The following GARRE1 variants were observed in gnomAD, a reference collection of about 807,000 sequenced individuals.
GARRE1 encodes the protein granule associated Rac and RHOG effector 1, also known as granule associated Rac and RHOG effector protein 1.
Under a neutral mutation model 103.2 loss-of-function variants are expected in GARRE1, and 49 were observed. The observed-to-expected ratio is 0.47, with a 90% CI of 0.38 to 0.60. GARRE1 has a LOEUF of 0.60. GARRE1 is among the 20% of genes least tolerant of loss of function. The pLI, the probability that GARRE1 is intolerant of heterozygous loss-of-function variation, is 0.00. For missense variants in GARRE1, 1,199 were observed against 1,370.5 expected, an observed-to-expected ratio of 0.87 and a Z score of 1.98; for synonymous variants, 505 against 532.8, an observed-to-expected ratio of 0.95 and a Z score of 0.72.
rs186739241 is a variant in GARRE1, at chr19:34,284,558, T to A, written c.-795-15121T>A. Among the ~76,000 whole-genome samples, 56 of 152,352 alleles carry A rather than the reference T, an allele frequency of 3.7e-4. 1 individual carries two copies. The highest frequency in any genetic ancestry group is 1.3e-3 in the African/African-American group (56 of 41,586). On this transcript the variant is annotated intron_variant, in intron 1 of 13. Transcript: ENST00000299505. The stretch of plus-strand genomic sequence containing the variant: ...TAATCTGTGGAGAACTTTTGCAAAT[T>A]ATGTTGAAAAGATGTTACTTAAAAT...
chr19:34,344,361 C>T (rs1031774921), intron 10 of GARRE1, among the ~76,000 whole-genome samples: 25 of 152,066 alleles, frequency 1.6e-4, no homozygotes, highest in Admixed American at 4.6e-4. Context: ...GAGGCCGAGG[C>T]GGGCGGATCA....
intron 1 of GARRE1, among the ~76,000 whole-genome samples, chr19:34,257,870 TC>T (rs1285754382): frequency 6.6e-6 from 1 of 150,638 alleles, no homozygotes. Flanking sequence ...TGATTGGCCT[TC>T]TTTTTTCTTT....
intron 1 of GARRE1, among the ~76,000 whole-genome samples, chr19:34,262,156 T>A: frequency 6.6e-6 from 1 of 152,050 alleles, no homozygotes; most frequent in East Asian, 1.9e-4. Context: ...GGCTAATTTT[T>A]GTATTTGTAA....
chr19:34,300,710 C>T lies in GARRE1; in HGVS notation c.237C>T (p.Gly79=). 6.2e-7 allele frequency: 1 copy of T among 1,614,212 alleles called. No individual in the cohort carries two copies. Among genetic ancestry groups the T allele is most frequent in the Admixed American group, 1.7e-5 (1 of 60,034 alleles). The change falls in exon 2 of 14, where the codon GGC becomes GGT. Residue 79 remains glycine, a synonymous_variant. Transcript: ENST00000299505. ...HTTPIADIQQ[G]ISKYLDALNV... ...CTCCTATCGCCGACATCCAGCAGGGCATCTCCAAGTATCTGGATGCCCTGA... is the reference window on the plus strand; with the variant it reads ...CTCCTATCGCCGACATCCAGCAGGGTATCTCCAAGTATCTGGATGCCCTGA...
At chr19:34,280,253 C>T (rs774699292) in intron 1 of GARRE1, among the ~76,000 whole-genome samples, 20 of 152,138 alleles carry the variant, frequency 1.3e-4, no homozygotes, top group Non-Finnish European at 2.6e-4. Flanking sequence ...GCTCCACCTC[C>T]AACATTGGGA....
chr19:34,345,984 C>T (rs8106201), intron 10 of GARRE1, among the ~76,000 whole-genome samples: 14,760 of 152,118 alleles, frequency 0.097, 1,137 homozygotes, highest in African/African-American at 0.21. Context: ...GACCTTGCCC[C>T]GAGGGCATAA....
At chr19:34,340,904 G>T (rs1291833134) in intron 9 of GARRE1, among the ~76,000 whole-genome samples, 2 of 152,168 alleles carry the variant, frequency 1.3e-5, no homozygotes, top group African/African-American at 4.8e-5. Context: ...ACCTGCCTCA[G>T]CTCCTGCCCC....
chr19:34,331,344 T>C (rs1053038053), intron 7 of GARRE1, among the ~76,000 whole-genome samples: 3 of 152,172 alleles, frequency 2.0e-5, no homozygotes, highest in African/African-American at 7.2e-5. Context: ...TTGATACCCC[T>C]TTTATCTGAA....
rs1341918273 is a variant in GARRE1, at chr19:34,307,299, T to C, written c.495+6331T>C. 5.3e-5 allele frequency among the ~76,000 whole-genome samples: 8 copies of C among 152,184 alleles called. No individual in the cohort carries two copies. The East Asian group carries it at 1.5e-3, about 29-fold the overall frequency. On this transcript the variant is annotated intron_variant, in intron 2 of 13. Transcript: ENST00000299505. ...AGCGATGCCACTTCTCCCCTTGCCT[T>C]CTTCATACTGGGTAGCTCCAGGGCT... is the stretch of plus-strand genomic sequence containing the variant.
chr19:34,289,243 C>T (rs775213970), intron 1 of GARRE1, among the ~76,000 whole-genome samples: 1 of 151,622 alleles, frequency 6.6e-6, no homozygotes, highest in Admixed American at 6.6e-5. Flanking sequence ...GACCAGCCTG[C>T]GCAACATGGT....
chr19:34,262,922 A>T (rs549522472), intron 1 of GARRE1, among the ~76,000 whole-genome samples: 23 of 152,218 alleles, frequency 1.5e-4, no homozygotes, highest in African/African-American at 3.1e-4. Context: ...TGTTTAAAAA[A>T]ATATATATAG....
intron 2 of GARRE1, among the ~76,000 whole-genome samples, chr19:34,303,195 T>C (rs1381642947): frequency 1.3e-5 from 2 of 152,232 alleles, no homozygotes; most frequent in Non-Finnish European, 2.9e-5. Context: ...TATATTCGTT[T>C]GATAGATTTT....
intron 2 of GARRE1, among the ~76,000 whole-genome samples, chr19:34,310,700 GATAA>G (rs1360957543): frequency 6.6e-6 from 1 of 152,208 alleles, no homozygotes; most frequent in Non-Finnish European, 1.5e-5. Flanking sequence ...TGGTAGGCCA[GATAA>G]ATAAATAGAC....
At chr19:34,339,467 C>G (rs796754332) in intron 8 of GARRE1, among the ~76,000 whole-genome samples, 12 of 152,330 alleles carry the variant, frequency 7.9e-5, no homozygotes, top group African/African-American at 2.9e-4. Context: ...GCCCTGTGCC[C>G]AGCACCTTAG....
intron 1 of GARRE1, among the ~76,000 whole-genome samples, chr19:34,269,068 C>T (rs992764764): frequency 1.3e-5 from 2 of 152,056 alleles, no homozygotes; most frequent in South Asian, 2.1e-4. Context: ...GTTGACCTTG[C>T]GGTTAGAAAA....
intron 1 of GARRE1, among the ~76,000 whole-genome samples, chr19:34,298,252 C>T (rs570672844): frequency 6.6e-6 from 1 of 151,634 alleles, no homozygotes; most frequent in South Asian, 2.1e-4. Context: ...CTCGTCTCTA[C>T]AAAAAATACA....
chr19:34,301,837 C>G (rs2073980855), intron 2 of GARRE1, among the ~76,000 whole-genome samples: 2 of 151,636 alleles, frequency 1.3e-5, no homozygotes, highest in South Asian at 4.2e-4. Context: ...CACCCGCCAC[C>G]TCACCCGGCT....
At chr19:34,266,090 C>A (rs1292195508) in intron 1 of GARRE1, among the ~76,000 whole-genome samples, 1 of 152,256 alleles carries the variant, frequency 6.6e-6, no homozygotes, top group Non-Finnish European at 1.5e-5. Context: ...AGCATTATGT[C>A]TGTCTCTTCA....
intron 1 of GARRE1, among the ~76,000 whole-genome samples, chr19:34,273,234 G>A (rs1457265509): frequency 6.6e-6 from 1 of 152,098 alleles, no homozygotes; most frequent in Non-Finnish European, 1.5e-5. Flanking sequence ...GATAACATGT[G>A]AAGTGCATAG....
Sources: gnomAD v4.1 joint callset for allele counts (sites outside exome capture counted in the v4.1 genomes callset) on GRCh38, gnomAD v4.1.1 for gene constraint, MANE v1.5 for transcripts, NCBI Gene and HGNC (gene_info 2026-07-23, HGNC 2026-07-21) for gene names.